The following COL4A4 variants were observed in gnomAD, a reference collection of about 807,000 sequenced individuals.
COL4A4 encodes collagen type IV alpha 4 chain.
A neutral mutation model predicts 192.9 loss-of-function variants in COL4A4; 105 were observed. The ratio of observed to expected loss-of-function variants is 0.54; its 90% CI spans 0.46 to 0.64. The LOEUF (loss-of-function observed/expected upper bound fraction) is 0.64, where lower values mean the gene tolerates loss of function less well. Ranked by LOEUF, COL4A4 falls within the 30% of genes least tolerant of loss-of-function variation. The pLI is 0.00. For missense variants in COL4A4, 1,967 were observed against 2,169.3 expected (o/e 0.91, Z 1.85); for synonymous variants, 762 against 769.9 (o/e 0.99, Z 0.17).
At chr2:227,025,891 G>A in intron 42 of COL4A4, 81 bp from the exon 43 acceptor site, 1 of 1,298,466 alleles carries the variant, frequency 7.7e-7, no homozygotes, top group Non-Finnish European at 1.1e-6. Context: ...TGTGGATTAG[G>A]ACAAAAATGA....
At chr2:227,152,116 G>A (rs1486873971) in intron 1 of COL4A4, among the ~76,000 whole-genome samples, 1 of 152,198 alleles carries the variant, frequency 6.6e-6, no homozygotes, top group Non-Finnish European at 1.5e-5. Context: ...GAGCTGGCAG[G>A]TTCCTGTTCT....
At chr2:227,001,975 C>T (rs985158766), downstream of COL4A4, among the ~76,000 whole-genome samples, 3 of 152,060 alleles carry the variant, frequency 2.0e-5, no homozygotes, top group Non-Finnish European at 2.9e-5. Flanking sequence ...GAGTTTAAGA[C>T]GAGCCTGGGC....
At chr2:226,997,344 G>C in the COL4A4 span, 3 of 152,290 alleles carry the variant, frequency 2.0e-5, no homozygotes, top group Non-Finnish European at 2.9e-5. Flanking sequence ...TAACTTCTTT[G>C]TTTCATGCCA....
At chr2:227,013,365 C>A (rs1290315799) in intron 44 of COL4A4, among the ~76,000 whole-genome samples, 1 of 152,100 alleles carries the variant, frequency 6.6e-6, no homozygotes, top group Non-Finnish European at 1.5e-5. Flanking sequence ...AAGTCCTAGT[C>A]CCCGTATCTC....
chr2:227,022,398 T>C (rs766331288), intron 43 of COL4A4: 36 of 755,192 alleles, frequency 4.8e-5, no homozygotes, highest in Non-Finnish European at 7.7e-5. Context: ...AATTCCAGAA[T>C]GTCGGGCTGA....
chr2:227,137,506 T>G (rs957141151), intron 4 of COL4A4, among the ~76,000 whole-genome samples: 1 of 152,202 alleles, frequency 6.6e-6, no homozygotes, highest in Non-Finnish European at 1.5e-5. Flanking sequence ...ATAATAATAC[T>G]TGCATCACAG....
chr2:227,063,596 T>A (rs1196429277), intron 25 of COL4A4, among the ~76,000 whole-genome samples: 1 of 152,100 alleles, frequency 6.6e-6, no homozygotes, highest in African/African-American at 2.4e-5. Flanking sequence ...TAAACCTTTT[T>A]TGCCACCTTC....
Position 227,002,732 on chromosome 2 carries a change from GAATTTTATATATA to G in COL4A4, c.*4580_*4592del, listed in dbSNP as rs1235691986. The G allele has an allele frequency of 6.6e-6, 1 of 152,612 alleles. No homozygotes were observed. The highest frequency in any genetic ancestry group is 1.5e-5 in the Non-Finnish European group (1 of 68,038). The allele number at this position is 152,612 out of a possible 1,614,324, so 9.5% of individuals were successfully genotyped here. A position where few individuals can be genotyped will look rare whatever the true frequency, so the allele number is the denominator to read the frequency against. Reference sequence around the variant, plus strand: ...ACAGTTGTTTTTGGAAGTCATCACAGAATTTTATATATAATGAACCATATTATAAATCGTAATA... The same window carrying G: ...ACAGTTGTTTTTGGAAGTCATCACAGATGAACCATATTATAAATCGTAATA... On this transcript the variant is annotated 3_prime_UTR_variant, in exon 48 of 48. Transcript: ENST00000396625.
At chr2:227,102,941 T>C in intron 14 of COL4A4, 93 bp from the exon 15 acceptor site, 3 of 1,197,302 alleles carry the variant, frequency 2.5e-6, no homozygotes, top group Admixed American at 1.7e-5. Flanking sequence ...AAAAACAAAA[T>C]GAGAAACAAA....
chr2:227,078,146 G>A (rs2059132789), intron 24 of COL4A4, 69 bp from the exon 25 acceptor site: 1 of 1,540,746 alleles, frequency 6.5e-7, no homozygotes, highest in African/African-American at 1.4e-5. Flanking sequence ...AGTCATTGTA[G>A]GTTACAGAAA....
intron 18 of COL4A4, 100 bp from the exon 19 acceptor site, chr2:227,098,898 G>C: frequency 1.0e-6 from 1 of 991,918 alleles, no homozygotes; most frequent in Non-Finnish European, 1.5e-6. Flanking sequence ...GTATAATTAG[G>C]AGACATTTTT....
At chr2:226,988,567 A>G in the COL4A4 span, 1 of 1,391,588 alleles carries the variant, frequency 7.2e-7, no homozygotes, top group South Asian at 1.9e-5. Context: ...CTGGTGTGGA[A>G]TCTGCATCAG....
the COL4A4 span, among the ~76,000 whole-genome samples, chr2:226,987,384 A>G: frequency 6.6e-6 from 1 of 152,186 alleles, no homozygotes; most frequent in Non-Finnish European, 1.5e-5. Flanking sequence ...AAGAGAGACA[A>G]AATGTGTTGG....
At chr2:227,080,705 G>A (rs1159259299) in intron 23 of COL4A4, among the ~76,000 whole-genome samples, 156 bp from the exon 24 acceptor site, 1 of 152,200 alleles carries the variant, frequency 6.6e-6, no homozygotes, top group Non-Finnish European at 1.5e-5. Context: ...CAAAGCCAGA[G>A]GGGAGAATGA....
intron 7 of COL4A4, among the ~76,000 whole-genome samples, chr2:227,116,355 A>C (rs2061493584): frequency 6.6e-6 from 1 of 152,162 alleles, no homozygotes; most frequent in Non-Finnish European, 1.5e-5. Flanking sequence ...TTCTATGTTG[A>C]TCCAAAGAAC....
At chr2:227,148,765 T>C (rs1018059571) in intron 1 of COL4A4, among the ~76,000 whole-genome samples, 7 of 151,982 alleles carry the variant, frequency 4.6e-5, no homozygotes, top group African/African-American at 9.7e-5. Flanking sequence ...TTAAAAAACT[T>C]TGGCTTCTTT....
intron 37 of COL4A4, among the ~76,000 whole-genome samples, chr2:227,037,679 T>C (rs1218029360): frequency 6.6e-6 from 1 of 152,210 alleles, no homozygotes; most frequent in African/African-American, 2.4e-5. Flanking sequence ...TCCACAACAG[T>C]TGAACTAATT....
chr2:227,018,306 C>T (rs1013884308), intron 44 of COL4A4, among the ~76,000 whole-genome samples: 1 of 152,062 alleles, frequency 6.6e-6, no homozygotes, highest in African/African-American at 2.4e-5. Context: ...CCCCTCACAC[C>T]CTGCTGAAAA....
At chr2:227,096,461 T>C (rs1576470859) in intron 19 of COL4A4, among the ~76,000 whole-genome samples, 1 of 152,238 alleles carries the variant, frequency 6.6e-6, no homozygotes, top group African/African-American at 2.4e-5. Flanking sequence ...GCTGTCATTA[T>C]TGTGTCCATA....
Sources: gnomAD v4.1 joint callset for allele counts (sites outside exome capture counted in the v4.1 genomes callset) on GRCh38, gnomAD v4.1.1 for gene constraint, MANE v1.5 for transcripts, NCBI Gene and HGNC (gene_info 2026-07-23, HGNC 2026-07-21) for gene names.